Variants in OPCML observed in about 807,000 individuals in gnomAD.
OPCML encodes the protein opioid binding protein/cell adhesion molecule like.
A neutral mutation model predicts 37.8 loss-of-function variants in OPCML; 13 were observed. That is an observed-to-expected ratio of 0.34 (90% confidence interval 0.22 to 0.55). The LOEUF (loss-of-function observed/expected upper bound fraction) is 0.55. Among genes scored for constraint, OPCML ranks in the 20% least tolerant of loss-of-function variants. The pLI, the probability that OPCML is intolerant of heterozygous loss-of-function variation, is 0.91. For missense variants in OPCML, 341 were observed against 435.6 expected (o/e 0.78, Z 1.93); for synonymous variants, 176 against 168.8 (o/e 1.04, Z -0.33).
intron 1 of OPCML, among the ~76,000 whole-genome samples, chr11:133,427,761 G>A (rs1946033138): frequency 6.6e-6 from 1 of 152,014 alleles, no homozygotes; most frequent in African/African-American, 2.4e-5. Context: ...CAATAATCAT[G>A]AGAAAGACAA....
intron 4 of OPCML, among the ~76,000 whole-genome samples, chr11:132,468,290 A>G (rs1475909016): frequency 6.6e-6 from 1 of 152,196 alleles, no homozygotes; most frequent in East Asian, 1.9e-4. Context: ...CTCTGCAGGC[A>G]AACTAATTAT....
Position 133,208,784 on chromosome 11 carries a change from A to T in OPCML, c.62-265774T>A, listed in dbSNP as rs376393806. Among the ~76,000 whole-genome samples the T allele has an allele frequency of 1.1e-4, 16 of 152,264 alleles. 1 individual carries two copies. In the South Asian group the frequency reaches 3.1e-3, roughly 30 times the overall value. ...ATGGCCCTTCTCTAGGACCAAAGGG[A>T]TACACCAAGTGCTGGAGTGAAGATA... is the stretch of plus-strand genomic sequence containing the variant. On this transcript the variant is annotated intron_variant, in intron 1 of 7. Transcript: ENST00000524381. This position sits in a 1 kb window ranked among gnomAD's most constrained non-coding sequence, Gnocchi z 8.9.
At chr11:133,434,672 C>T (rs1291082124) in intron 1 of OPCML, among the ~76,000 whole-genome samples, 1 of 151,296 alleles carries the variant, frequency 6.6e-6, no homozygotes, top group Non-Finnish European at 1.5e-5. Context: ...TTGGTTCTTC[C>T]AATGGGAGGG....
chr11:132,777,546 G>T (rs189872669), intron 2 of OPCML, among the ~76,000 whole-genome samples: 39 of 152,298 alleles, frequency 2.6e-4, no homozygotes, highest in Admixed American at 2.3e-3. Context: ...CACCCACGCT[G>T]CCTGCTGATT....
chr11:132,937,754 C>G (rs1211538018), intron 2 of OPCML, among the ~76,000 whole-genome samples: 1 of 151,998 alleles, frequency 6.6e-6, no homozygotes, highest in East Asian at 2.0e-4. Flanking sequence ...CCAGGACATG[C>G]CAACATTCTT....
In OPCML at chr11:133,113,750, G is replaced by A. The variant is rs80140185; in HGVS notation, c.62-170740C>T. ...TTAAGATTTGTCTTAGCTTCCCACCGCAGGTAAGAAAGTATTTATGACTCT... is the reference window on the plus strand; with the variant it reads ...TTAAGATTTGTCTTAGCTTCCCACCACAGGTAAGAAAGTATTTATGACTCT... On this transcript the variant is annotated intron_variant, in intron 1 of 7. Coordinates refer to ENST00000524381, the MANE Select transcript of OPCML (RefSeq NM_001012393.5). Among the ~76,000 whole-genome samples, 1,508 of 152,286 alleles carry A rather than the reference G, an allele frequency of 9.9e-3. 14 individuals are homozygous for A. Among genetic ancestry groups the A allele is most frequent in the Non-Finnish European group, 0.017 (1,139 of 68,010 alleles).
rs774007845 is a variant in OPCML, at chr11:133,089,864, A to C, written c.62-146854T>G. On this transcript the variant is annotated intron_variant, in intron 1 of 7. Coordinates refer to ENST00000524381, the MANE Select transcript of OPCML (RefSeq NM_001012393.5). ...AAAATCTGCTGTCAATGATTTAATAAACAGATGCTTATTGAGCACATGCCA... is the reference window on the plus strand; with the variant it reads ...AAAATCTGCTGTCAATGATTTAATACACAGATGCTTATTGAGCACATGCCA... Among the ~76,000 whole-genome samples the C allele has an allele frequency of 9.7e-4, 147 of 152,182 alleles. 2 individuals carry two copies. The highest frequency in any genetic ancestry group is 3.8e-4 in the Non-Finnish European group (26 of 68,028).
chr11:133,286,512 T>G (rs922225303), intron 1 of OPCML, among the ~76,000 whole-genome samples: 10 of 146,586 alleles, frequency 6.8e-5, no homozygotes, highest in Admixed American at 5.5e-4. Context: ...CCTAAGAAGA[T>G]GCCATATTCA....
intron 1 of OPCML, chr11:133,004,058 A>G (rs2136855868): frequency 1.0e-6 from 1 of 985,402 alleles, no homozygotes; most frequent in Non-Finnish European, 1.2e-6. Context: ...GGAAGGAGGA[A>G]GCGAAGAGGC....
chr11:133,246,296 C>A (rs1444015729), intron 1 of OPCML, among the ~76,000 whole-genome samples: 1 of 152,098 alleles, frequency 6.6e-6, no homozygotes, highest in African/African-American at 2.4e-5. Flanking sequence ...TTAAACTGTT[C>A]ACAGTGGAGA....
At chr11:132,954,233 GGT>G (rs1373229222) in intron 1 of OPCML, among the ~76,000 whole-genome samples, 3 of 152,002 alleles carry the variant, frequency 2.0e-5, no homozygotes, top group Non-Finnish European at 4.4e-5. Context: ...CAAAGAACAT[GGT>G]GTGTTACCTG....
chr11:133,008,720 A>T, intron 1 of OPCML: 1 of 241,188 alleles, frequency 4.1e-6, no homozygotes, highest in Non-Finnish European at 6.7e-6. Flanking sequence ...CACAGGACTG[A>T]CTGAGGCCTC....
chr11:133,154,040 G>A (rs974905419), intron 1 of OPCML, among the ~76,000 whole-genome samples: 3 of 151,934 alleles, frequency 2.0e-5, no homozygotes, highest in African/African-American at 7.3e-5. Context: ...TCAGGGCCCA[G>A]CATTCACCAG....
Position 133,236,676 on chromosome 11 carries a change from AT to A in OPCML, c.62-293667del, listed in dbSNP as rs905792308. 2.6e-5 allele frequency among the ~76,000 whole-genome samples: 4 copies of A among 152,376 alleles called. No homozygotes were observed. The South Asian group carries it at 8.3e-4, about 32-fold the overall frequency. ...ATTTAGCCTAAATATTTGCCCTGGC[AT>A]GCTTATAATGGTCCAAGCAAGCATT... is the stretch of plus-strand genomic sequence containing the variant. On this transcript the variant is annotated intron_variant, in intron 1 of 7. Transcript: ENST00000524381.
At chr11:132,778,637 T>G (rs1302138407) in intron 2 of OPCML, among the ~76,000 whole-genome samples, 2 of 152,216 alleles carry the variant, frequency 1.3e-5, no homozygotes, top group African/African-American at 4.8e-5. Flanking sequence ...CCATTTTTAC[T>G]GTCACTGTAA....
intron 1 of OPCML, among the ~76,000 whole-genome samples, chr11:133,404,960 C>T (rs1202999797): frequency 6.6e-6 from 1 of 152,144 alleles, no homozygotes; most frequent in Non-Finnish European, 1.5e-5. Flanking sequence ...TGGAACTTGA[C>T]ATTTTAGAGT....
chr11:133,208,357 G>A lies in OPCML; in HGVS notation c.62-265347C>T, dbSNP rs1205719413. Among the ~76,000 whole-genome samples, 1 of 152,156 alleles carries A rather than the reference G, an allele frequency of 6.6e-6. No individual in the cohort carries two copies. Among genetic ancestry groups the A allele is most frequent in the East Asian group, 1.9e-4 (1 of 5,194 alleles). ...ACTACATTCAGTATCATTGTCGAGGGGCAGCTGGGGCATGGTAGAAAGGGC... is the reference window on the plus strand; with the variant it reads ...ACTACATTCAGTATCATTGTCGAGGAGCAGCTGGGGCATGGTAGAAAGGGC... On this transcript the variant is annotated intron_variant, in intron 1 of 7. Transcript: ENST00000524381. This position sits in a 1 kb window ranked among gnomAD's most constrained non-coding sequence, Gnocchi z 8.9.
At chr11:133,308,801 G>T (rs981109941) in intron 1 of OPCML, among the ~76,000 whole-genome samples, 4 of 152,170 alleles carry the variant, frequency 2.6e-5, no homozygotes, top group African/African-American at 9.7e-5. Flanking sequence ...ACATTTTGGT[G>T]CTGAAAAGTA....
intron 3 of OPCML, among the ~76,000 whole-genome samples, chr11:132,627,777 G>A (rs561867277): frequency 3.0e-4 from 46 of 152,284 alleles, no homozygotes; most frequent in African/African-American, 1.1e-3. Flanking sequence ...CCCTCAGGGA[G>A]CATCCAAGTT....
Sources: gnomAD v4.1 joint callset for allele counts (sites outside exome capture counted in the v4.1 genomes callset) on GRCh38, gnomAD v4.1.1 for gene constraint, Gnocchi (gnomAD v3.1) non-coding constraint, MANE v1.5 for transcripts, NCBI Gene and HGNC (gene_info 2026-07-23, HGNC 2026-07-21) for gene names.